The following TMPRSS6 variants were observed in gnomAD, a reference collection of about 807,000 sequenced individuals.
TMPRSS6 encodes transmembrane protease serine 6.
TMPRSS6 carries 67 observed loss-of-function variants against 101.5 expected under a neutral mutation model. That is an observed-to-expected ratio of 0.66 (90% CI 0.54 to 0.81). The LOEUF (loss-of-function observed/expected upper bound fraction) is 0.81. TMPRSS6 is among the 30% of genes least tolerant of loss of function. The probability of loss-of-function intolerance (pLI) is 0.00; values close to 1 mark genes in which losing one functional copy is unlikely to be tolerated. For synonymous variants in TMPRSS6, 453 were observed against 464.9 expected (o/e 0.97, Z 0.33); for missense variants, 1,034 against 1,088.7 (o/e 0.95, Z 0.71).
intron 7 of TMPRSS6, among the ~76,000 whole-genome samples, chr22:37,086,642 G>T (rs531646642): frequency 6.6e-6 from 1 of 152,124 alleles, no homozygotes; most frequent in Non-Finnish European, 1.5e-5. Flanking sequence ...CTAGCTCCTC[G>T]GGTGAGAGAG....
chr22:37,089,561 C>CCA lies in TMPRSS6; in HGVS notation c.836+16_836+17insTG. ...CTTTTCCAGCCCTCCCTCCTGCCCTCCTTCCCAGGGACTCACGAGGTGATG... is the reference window on the plus strand; with the variant it reads ...CTTTTCCAGCCCTCCCTCCTGCCCTCCACTTCCCAGGGACTCACGAGGTGATG... On this transcript the variant is annotated intron_variant, in intron 7 of 17. Transcript: ENST00000676104. 2 of 1,566,298 alleles carry CCA rather than the reference C, an allele frequency of 1.3e-6. No homozygotes were observed. Among genetic ancestry groups the CCA allele is most frequent in the Non-Finnish European group, 1.7e-6 (2 of 1,144,336 alleles).
chr22:37,097,912 G>C (rs1460619245), intron 3 of TMPRSS6, among the ~76,000 whole-genome samples: 2 of 71,472 alleles, frequency 2.8e-5, no homozygotes, highest in African/African-American at 1.2e-4. Flanking sequence ...GGGGAGGAGA[G>C]GGCCACCGTC....
intron 16 of TMPRSS6, among the ~76,000 whole-genome samples, chr22:37,067,886 G>A (rs1299292938): frequency 2.6e-5 from 4 of 152,202 alleles, no homozygotes; most frequent in Middle Eastern, 3.4e-3. Flanking sequence ...GTTGCTCCTC[G>A]CCCAGGCACG....
intron 3 of TMPRSS6, among the ~76,000 whole-genome samples, chr22:37,096,958 G>C (rs533921582): frequency 2.8e-4 from 43 of 152,232 alleles, no homozygotes; most frequent in Non-Finnish European, 1.6e-4. Flanking sequence ...CTGCACTGCT[G>C]ATGACCCCTC....
chr22:37,094,922 C>T (rs569588028), intron 6 of TMPRSS6, among the ~76,000 whole-genome samples: 19 of 152,308 alleles, frequency 1.2e-4, no homozygotes, highest in African/African-American at 4.6e-4. Flanking sequence ...AGTTGGTGCA[C>T]TGCACAACTC....
chr22:37,070,805 G>T, intron 14 of TMPRSS6, 111 bp downstream of exon 14: 1 of 1,322,818 alleles, frequency 7.6e-7, no homozygotes, highest in Non-Finnish European at 1.1e-6. Flanking sequence ...GGGGGCAGAG[G>T]ATGAGATAGA....
rs1569023061 is a variant in TMPRSS6, at chr22:37,097,657, G to GCGGCCACCA, written c.336+758_336+759insTGGTGGCCG. Among the ~76,000 whole-genome samples, 108 of 149,138 alleles carry GCGGCCACCA rather than the reference G, an allele frequency of 7.2e-4. 18 individuals carry two copies. Among genetic ancestry groups the GCGGCCACCA allele is most frequent in the African/African-American group, 2.5e-3 (100 of 40,516 alleles). ...ACCATCCTGTAACAGAGGGGCAGGA[G>GCGGCCACCA]TGGCCACCGTCCTGTAACGGAGGGG... On this transcript the variant is annotated intron_variant, in intron 3 of 17. Transcript: ENST00000676104.
At position 37,084,740 on chromosome 22, in the gene TMPRSS6, G is replaced by T; in HGVS notation, c.1073C>A (p.Ser358Tyr). ...PSYYSPQTHC[S>Y]WHLTVPSLDY... ...GTGGGGTCTCACCGTGAGGTGCCAG[G>T]AGCAGTGGGTTTGGGGCGAGTAGTA... The change falls in exon 9 of 18, where the codon TCC becomes TAC. Residue 358 changes from serine (S) to tyrosine (Y), a missense_variant. Ser to Tyr is a moderately radical substitution (Grantham distance 144). Transcript: ENST00000676104. The T allele has an allele frequency of 6.4e-7, 1 of 1,563,480 alleles. No homozygotes were observed. The highest frequency in any genetic ancestry group is 8.7e-7 in the Non-Finnish European group (1 of 1,153,722).
At chr22:37,068,149 G>A (rs940366890) in intron 16 of TMPRSS6, among the ~76,000 whole-genome samples, 15 of 152,134 alleles carry the variant, frequency 9.9e-5, no homozygotes, top group Admixed American at 3.3e-4. Context: ...TCTCCCCCGA[G>A]AATGTTCTCT....
intron 7 of TMPRSS6, 31 bp downstream of exon 7, chr22:37,089,547 C>CAACCA: frequency 1.9e-5 from 27 of 1,397,380 alleles, no homozygotes; most frequent in Non-Finnish European, 2.5e-5. Context: ...TTTTCCAGCC[C>CAACCA]TCCCTCCTGC....
Position 37,066,980 on chromosome 22 carries a change from CA to C in TMPRSS6, c.2114-19del. On this transcript the variant is annotated intron_variant, in intron 16 of 17. Coordinates refer to ENST00000676104, the MANE Select transcript of TMPRSS6 (RefSeq NM_001374504.1). ...GATGGGGCCTGTCCGTGGTCAAGGG[CA>C]GAAGTGAGATCTCAGGAGCCTGGAG... is the stretch of plus-strand genomic sequence containing the variant. 6.2e-7 allele frequency: 1 copy of C among 1,614,102 alleles called. No individual in the cohort carries two copies. Among genetic ancestry groups the C allele is most frequent in the African/African-American group, 1.3e-5 (1 of 75,066 alleles).
rs1926657945 is a variant in TMPRSS6 at position 37,069,302 on chromosome 22, C to T, written c.1884G>A (p.Val628=). 1 of 1,606,114 alleles carries T rather than the reference C, an allele frequency of 6.2e-7. No homozygotes were observed. The highest frequency in any genetic ancestry group is 1.1e-5 in the South Asian group (1 of 90,762). ...CTCCAGGCCAGCGCGAGTTCTGCCA[C>T]ACCTTGCCCAGGAACACGGTCCACA... ...TVLWTVFLGK[V]WQNSRWPGEV... is the part of the protein sequence containing the mutation. Residue 628 remains valine (V), a synonymous_variant, in exon 16 of 18, where the codon GTG becomes GTA. Coordinates refer to ENST00000676104, the MANE Select transcript of TMPRSS6 (RefSeq NM_001374504.1). This position sits in a 1 kb window ranked among gnomAD's most constrained non-coding sequence, Gnocchi z 4.8.
intron 10 of TMPRSS6, among the ~76,000 whole-genome samples, chr22:37,080,667 T>A (rs1451610849): frequency 6.6e-6 from 1 of 152,242 alleles, no homozygotes; most frequent in Non-Finnish European, 1.5e-5. Context: ...TCCACATTCA[T>A]TCACACAGGA....
chr22:37,070,814 G>A lies in TMPRSS6; in HGVS notation c.1672+102C>T, dbSNP rs551583526. On this transcript the variant is annotated intron_variant, in intron 14 of 17. Coordinates refer to ENST00000676104, the MANE Select transcript of TMPRSS6 (RefSeq NM_001374504.1). ...AGGCAAGGGGGCAGAGGATGAGATA[G>A]AGAGAGACCAGGGGACAACAGTGAG... 66 of 1,358,202 alleles carry A rather than the reference G, an allele frequency of 4.9e-5. No homozygotes were observed. In the Admixed American group the frequency reaches 7.9e-4, roughly 16 times the overall value. The allele number at this position is 1,358,202 out of a possible 1,614,324, so 84.1% of individuals were successfully genotyped here.
chr22:37,106,632 C>G (rs750817752), intron 1 of TMPRSS6, among the ~76,000 whole-genome samples: 1 of 152,156 alleles, frequency 6.6e-6, no homozygotes, highest in Non-Finnish European at 1.5e-5. Flanking sequence ...GCCTCCATTG[C>G]GTCTTCCAGC....
At chr22:37,079,358 C>T (rs768529943) in intron 10 of TMPRSS6, among the ~76,000 whole-genome samples, 1 of 152,306 alleles carries the variant, frequency 6.6e-6, no homozygotes, top group Non-Finnish European at 1.5e-5. Flanking sequence ...TCCTTCTTGC[C>T]TCATCCAGGA....
chr22:37,084,694 G>A (rs1358785658), intron 9 of TMPRSS6, 33 bp downstream of exon 9: 2 of 1,519,154 alleles, frequency 1.3e-6, no homozygotes, highest in East Asian at 4.9e-5. Context: ...GCTTGCGGCA[G>A]AGGGCAGGTG....
At chr22:37,086,496 G>T in intron 7 of TMPRSS6, 77 bp from the exon 8 acceptor site, 3 of 1,479,602 alleles carry the variant, frequency 2.0e-6, no homozygotes, top group East Asian at 2.5e-5. Flanking sequence ...GGCGGCTGCT[G>T]GGGGAGGGTG....
intron 2 of TMPRSS6, among the ~76,000 whole-genome samples, chr22:37,102,674 C>T (rs1412900911): frequency 6.6e-6 from 1 of 152,162 alleles, no homozygotes; most frequent in Non-Finnish European, 1.5e-5. Flanking sequence ...GCTGGCTGCT[C>T]TCCAGCTGCC....
Sources: allele counts gnomAD v4.1 joint callset (sites outside exome capture counted in the v4.1 genomes callset), GRCh38; gene constraint gnomAD v4.1.1; non-coding constraint Gnocchi (gnomAD v3.1); transcripts MANE v1.5; gene names NCBI Gene and HGNC (gene_info 2026-07-23, HGNC 2026-07-21).